Variants in LDLRAD3 observed in about 807,000 individuals in gnomAD.
LDLRAD3 encodes the protein low density lipoprotein receptor class A domain containing 3.
LDLRAD3 carries 20 observed loss-of-function variants against 29.4 expected under a neutral mutation model. The ratio of observed to expected loss-of-function variants is 0.68; its 90% CI spans 0.48 to 0.99. The LOEUF is 0.99. Among genes scored for constraint, LDLRAD3 ranks in the 50% least tolerant of loss-of-function variants. The pLI, the probability that LDLRAD3 is intolerant of heterozygous loss-of-function variation, is 0.00. For missense variants in LDLRAD3, 420 were observed against 454.3 expected (o/e 0.92, Z 0.69); for synonymous variants, 157 against 192.7 (o/e 0.81, Z 1.53).
chr11:36,194,413 G>A (rs1855001867), intron 4 of LDLRAD3, among the ~76,000 whole-genome samples: 1 of 152,144 alleles, frequency 6.6e-6, no homozygotes, highest in Non-Finnish European at 1.5e-5. Flanking sequence ...TAATCCTATT[G>A]TGTATCTGGA....
At chr11:35,954,835 A>G (rs572072296) in intron 1 of LDLRAD3, among the ~76,000 whole-genome samples, 2 of 152,382 alleles carry the variant, frequency 1.3e-5, no homozygotes, top group South Asian at 2.1e-4. Flanking sequence ...TGACATATCA[A>G]AAGGGTTTCT....
intron 1 of LDLRAD3, among the ~76,000 whole-genome samples, chr11:36,018,441 A>G (rs1852050925): frequency 6.6e-6 from 1 of 152,192 alleles, no homozygotes; most frequent in Non-Finnish European, 1.5e-5. Context: ...ATTTTTTCAT[A>G]ATATGCATTT....
chr11:35,963,713 C>T (rs564442924), intron 1 of LDLRAD3, among the ~76,000 whole-genome samples: 109 of 152,312 alleles, frequency 7.2e-4, no homozygotes, highest in African/African-American at 2.5e-3. Context: ...AGTCTCCACT[C>T]TGTATGTGCT....
intron 4 of LDLRAD3, among the ~76,000 whole-genome samples, chr11:36,167,826 A>G (rs979617853): frequency 6.6e-6 from 1 of 152,182 alleles, no homozygotes; most frequent in Non-Finnish European, 1.5e-5. Context: ...ATAGGCCTAC[A>G]ACAGACCTAA....
chr11:35,945,993 A>T (rs1851052413), intron 1 of LDLRAD3, among the ~76,000 whole-genome samples: 1 of 152,190 alleles, frequency 6.6e-6, no homozygotes, highest in African/African-American at 2.4e-5. Context: ...GCTTTGAATT[A>T]CCTTTAGAGT....
intron 1 of LDLRAD3, among the ~76,000 whole-genome samples, chr11:35,998,640 G>C (rs112094269): frequency 0.028 from 4,276 of 152,310 alleles, 218 homozygotes; most frequent in African/African-American, 0.098. Context: ...AAAGATGTGA[G>C]CCCAGGGGTC....
At position 35,944,944 on chromosome 11, in the gene LDLRAD3, AG is replaced by A. The variant is rs1020159403; in HGVS notation, c.46+802del. On this transcript the variant is annotated intron_variant, in intron 1 of 5. Coordinates refer to ENST00000315571, the MANE Select transcript of LDLRAD3 (RefSeq NM_174902.4). The surrounding 1 kb of genome is among the most constrained non-coding windows in gnomAD (Gnocchi z 4.9). ...CCCTTCCAGACAGCGTGCTGTTCCC[AG>A]GAACTTTTCTGCTGATGTGGGCATG... Among the ~76,000 whole-genome samples, 4 of 152,164 alleles carry A rather than the reference AG, an allele frequency of 2.6e-5. No individual in the cohort carries two copies. Among genetic ancestry groups the A allele is most frequent in the African/African-American group, 9.7e-5 (4 of 41,448 alleles).
At chr11:36,172,093 A>G (rs925046640) in intron 4 of LDLRAD3, among the ~76,000 whole-genome samples, 1 of 152,126 alleles carries the variant, frequency 6.6e-6, no homozygotes, top group African/African-American at 2.4e-5. Flanking sequence ...AGCTATTGCA[A>G]AAGGAGTTGA....
chr11:36,078,340 C>T (rs774260027), intron 2 of LDLRAD3, among the ~76,000 whole-genome samples: 1 of 152,336 alleles, frequency 6.6e-6, no homozygotes, highest in East Asian at 1.9e-4. Flanking sequence ...TTTGTACCAA[C>T]GGGCACCTGC....
Position 36,098,386 on chromosome 11 carries a change from G to C in LDLRAD3, c.379G>C (p.Asp127His). 1 of 1,614,218 alleles carries C rather than the reference G, an allele frequency of 6.2e-7. No homozygotes were observed. The highest frequency in any genetic ancestry group is 2.2e-5 in the East Asian group (1 of 44,884). ...RYHCKNGLCI[D>H]KSFICDGQNN... ...CCACTGCAAGAACGGCCTCTGTATT[G>C]ACAAGAGCTTCATCTGCGATGGACA... is the stretch of plus-strand genomic sequence containing the variant. The change falls in exon 4 of 6, where the codon GAC becomes CAC. Residue 127 changes from aspartate to histidine, a missense_variant. Around this residue, in one of 3 missense-constraint regions of LDLRAD3, gnomAD observed 224 missense variants for 222.2 expected, o/e 1.01. Transcript: ENST00000315571.
intron 4 of LDLRAD3, among the ~76,000 whole-genome samples, chr11:36,116,453 TA>T (rs1372135583): frequency 1.3e-5 from 2 of 152,298 alleles, no homozygotes; most frequent in African/African-American, 4.8e-5. Flanking sequence ...GGGATGCTCA[TA>T]AGGCGCTTCT....
chr11:36,063,542 A>G (rs1165118501), intron 2 of LDLRAD3, among the ~76,000 whole-genome samples: 1 of 152,220 alleles, frequency 6.6e-6, no homozygotes, highest in African/African-American at 2.4e-5. Flanking sequence ...TTGACTTAGA[A>G]TAATGTTTTC....
chr11:35,968,474 T>C, intron 1 of LDLRAD3: 1 of 368,218 alleles, frequency 2.7e-6, no homozygotes, highest in Non-Finnish European at 5.4e-6. Context: ...CAAAATCTGA[T>C]CTGGATCTTC....
chr11:36,081,652 G>C lies in LDLRAD3; in HGVS notation c.194-1G>C, dbSNP rs1365675118. ...CTTGCTGTTTCTTTTTCTTCCTGCA[G>C]CCAAGGCTAAGTCGAAATGTGGCCC... On this transcript the variant is annotated splice_acceptor_variant, in intron 2 of 5. Coordinates refer to ENST00000315571, the MANE Select transcript of LDLRAD3 (RefSeq NM_174902.4). LOFTEE classifies it high-confidence loss of function. 6.2e-7 allele frequency: 1 copy of C among 1,614,062 alleles called. No homozygotes were observed. Among genetic ancestry groups the C allele is most frequent in the African/African-American group, 1.3e-5 (1 of 74,938 alleles).
At chr11:36,004,480 G>C (rs1330921462) in intron 1 of LDLRAD3, among the ~76,000 whole-genome samples, 1 of 152,234 alleles carries the variant, frequency 6.6e-6, no homozygotes, top group Non-Finnish European at 1.5e-5. Context: ...CTCTGCTTCT[G>C]TGAGTCTGCA....
intron 4 of LDLRAD3, among the ~76,000 whole-genome samples, chr11:36,211,025 G>A (rs561811806): frequency 6.4e-4 from 98 of 152,304 alleles, no homozygotes; most frequent in Middle Eastern, 3.4e-3. Flanking sequence ...ACTATAAGCT[G>A]AATAAAAGCT....
At chr11:36,206,502 C>T (rs530482696) in intron 4 of LDLRAD3, among the ~76,000 whole-genome samples, 3 of 152,106 alleles carry the variant, frequency 2.0e-5, no homozygotes, top group East Asian at 1.9e-4. Context: ...AGAGGCAGAG[C>T]GTGGTTATTT....
At chr11:35,975,098 G>C (rs1190167482) in intron 1 of LDLRAD3, among the ~76,000 whole-genome samples, 1 of 152,150 alleles carries the variant, frequency 6.6e-6, no homozygotes, top group African/African-American at 2.4e-5. Context: ...TTCACTGGCT[G>C]AACTTGATAC....
chr11:36,186,645 A>G (rs1442252290), intron 4 of LDLRAD3, among the ~76,000 whole-genome samples: 1 of 152,204 alleles, frequency 6.6e-6, no homozygotes, highest in African/African-American at 2.4e-5. Context: ...TCAGAAGACT[A>G]GATAGCACTA....
Sources: allele counts gnomAD v4.1 joint callset (sites outside exome capture counted in the v4.1 genomes callset), GRCh38; gene constraint gnomAD v4.1.1; regional missense constraint gnomAD v4.1.1; non-coding constraint Gnocchi (gnomAD v3.1); transcripts MANE v1.5; gene names NCBI Gene and HGNC (gene_info 2026-07-23, HGNC 2026-07-21).